LCLAT1: variants seen among roughly 807,000 people sequenced by gnomAD.
LCLAT1 encodes the protein lysocardiolipin acyltransferase 1, also known as 1-AGP acyltransferase 8.
A neutral mutation model predicts 30.7 loss-of-function variants in LCLAT1; 11 were observed. The observed-to-expected ratio is 0.36, with a 90% confidence interval of 0.23 to 0.59. LCLAT1 has a LOEUF of 0.59. LCLAT1 is among the 20% of genes least tolerant of loss of function. LCLAT1 has a pLI of 0.77. For synonymous variants in LCLAT1, 155 were observed against 151.3 expected (o/e 1.02, Z -0.18); for missense variants, 402 against 458.6 (o/e 0.88, Z 1.13).
chr2:30,546,989 C>T (rs897061214), intron 3 of LCLAT1, among the ~76,000 whole-genome samples: 5 of 152,128 alleles, frequency 3.3e-5, no homozygotes, highest in Non-Finnish European at 5.9e-5. Context: ...AGGAAACTCA[C>T]ATGCTAGTTG....
rs549444518 is a variant in LCLAT1 at position 30,604,539 on chromosome 2, G to T, written c.629-35578G>T. ...AAATTTAAATTTCATAGGACTTTCA[G>T]GTGTGTAAAATAAAATTATACTTTC... On this transcript the variant is annotated intron_variant, in intron 5 of 5. Transcript: ENST00000379509. Among the ~76,000 whole-genome samples the T allele has an allele frequency of 2.0e-5, 3 of 151,702 alleles. No homozygotes were observed. The South Asian group carries it at 6.2e-4, about 32-fold the overall frequency.
At chr2:30,551,291 G>A (rs765144237) in intron 3 of LCLAT1, among the ~76,000 whole-genome samples, 1 of 152,208 alleles carries the variant, frequency 6.6e-6, no homozygotes, top group East Asian at 1.9e-4. Context: ...ATAGGCATGA[G>A]CCACTGCGCC....
chr2:30,567,092 T>G (rs1305651364), intron 4 of LCLAT1, among the ~76,000 whole-genome samples: 1 of 152,238 alleles, frequency 6.6e-6, no homozygotes, highest in Non-Finnish European at 1.5e-5. Context: ...CTTCTGGATG[T>G]CTAGGTCATT....
At chr2:30,508,990 G>C (rs1446099533) in intron 1 of LCLAT1, among the ~76,000 whole-genome samples, 2 of 152,058 alleles carry the variant, frequency 1.3e-5, no homozygotes, top group African/African-American at 4.8e-5. Context: ...TCACCTTACT[G>C]ATTAACTGTA....
chr2:30,609,202 G>T (rs1667616406), intron 5 of LCLAT1, among the ~76,000 whole-genome samples: 1 of 152,070 alleles, frequency 6.6e-6, no homozygotes, highest in Admixed American at 6.6e-5. Context: ...GACATTGCAG[G>T]TATGTTCTAT....
chr2:30,614,844 G>A (rs150641778), intron 5 of LCLAT1, among the ~76,000 whole-genome samples: 146 of 152,218 alleles, frequency 9.6e-4, no homozygotes, highest in African/African-American at 1.5e-3. Context: ...ATTAGGGATC[G>A]GAGAACCAGG....
chr2:30,585,282 G>A (rs72858979), intron 5 of LCLAT1, among the ~76,000 whole-genome samples: 1,872 of 149,462 alleles, frequency 0.013, 31 homozygotes, highest in African/African-American at 0.043. Context: ...AAAAAATACC[G>A]AGTCAAAAAA....
intron 5 of LCLAT1, among the ~76,000 whole-genome samples, chr2:30,624,195 T>A (rs1005771300): frequency 3.3e-5 from 5 of 151,972 alleles, no homozygotes; most frequent in African/African-American, 1.2e-4. Flanking sequence ...TATAAAACAA[T>A]AACACAATGA....
chr2:30,493,359 C>G (rs1683924925), intron 1 of LCLAT1, among the ~76,000 whole-genome samples: 1 of 152,032 alleles, frequency 6.6e-6, no homozygotes, highest in South Asian at 2.1e-4. Context: ...AATAAATTGG[C>G]AACTGTTTCA....
intron 1 of LCLAT1, among the ~76,000 whole-genome samples, chr2:30,505,179 A>C (rs1684594561): frequency 6.6e-6 from 1 of 152,170 alleles, no homozygotes; most frequent in African/African-American, 2.4e-5. Flanking sequence ...ATATTTCTCT[A>C]GGGTAAATAC....
chr2:30,629,876 G>A (rs1023115274), intron 5 of LCLAT1, among the ~76,000 whole-genome samples: 18 of 151,792 alleles, frequency 1.2e-4, no homozygotes, highest in Non-Finnish European at 2.1e-4. Context: ...TAACAGCATC[G>A]ATGGAAAGAT....
intron 4 of LCLAT1, among the ~76,000 whole-genome samples, chr2:30,564,258 GATAGGTTT>G (rs1313371670): frequency 3.3e-5 from 5 of 152,078 alleles, no homozygotes; most frequent in African/African-American, 1.2e-4. Flanking sequence ...TCACTGAAAT[GATAGGTTT>G]ATATTTGTGA....
intron 5 of LCLAT1, among the ~76,000 whole-genome samples, chr2:30,611,576 C>T (rs1667742240): frequency 6.6e-6 from 1 of 152,100 alleles, no homozygotes; most frequent in African/African-American, 2.4e-5. Flanking sequence ...TCTCAGAAGA[C>T]AGTGGTGTGT....
At chr2:30,459,414 G>T in intron 1 of LCLAT1, 1 of 570,222 alleles carries the variant, frequency 1.8e-6, no homozygotes. Context: ...GTTGCCCTGT[G>T]CATTAATCCA....
intron 1 of LCLAT1, among the ~76,000 whole-genome samples, chr2:30,469,257 A>AT (rs145122614): frequency 0.076 from 11,184 of 148,034 alleles, 659 homozygotes; most frequent in African/African-American, 0.17. Flanking sequence ...AGTCCAGTTG[A>AT]TTTTTTTTTT....
At chr2:30,601,684 AAT>A (rs1667191769) in intron 5 of LCLAT1, among the ~76,000 whole-genome samples, 1 of 152,076 alleles carries the variant, frequency 6.6e-6, no homozygotes, top group South Asian at 2.1e-4. Context: ...ACTTTAAAAC[AAT>A]ATGTTTTAAT....
chr2:30,519,104 G>A (rs867987902), intron 1 of LCLAT1, among the ~76,000 whole-genome samples: 1 of 152,146 alleles, frequency 6.6e-6, no homozygotes, highest in Non-Finnish European at 1.5e-5. Context: ...AGGCACCTGG[G>A]CCCTCACTGA....
intron 5 of LCLAT1, chr2:30,606,973 CT>C (rs1428089433): frequency 6.6e-6 from 1 of 151,994 alleles, no homozygotes; most frequent in Non-Finnish European, 1.5e-5. Flanking sequence ...GGCTAATAAA[CT>C]TATGAAAAAA....
At chr2:30,592,446 C>T (rs1666738227) in intron 5 of LCLAT1, among the ~76,000 whole-genome samples, 2 of 151,974 alleles carry the variant, frequency 1.3e-5, no homozygotes, top group African/African-American at 2.4e-5. Flanking sequence ...ATTGCACCAC[C>T]ATACTCCAGC....
Sources: allele counts gnomAD v4.1 joint callset (sites outside exome capture counted in the v4.1 genomes callset), GRCh38; gene constraint gnomAD v4.1.1; transcripts MANE v1.5; gene names NCBI Gene and HGNC (gene_info 2026-07-23, HGNC 2026-07-21).